Variants in CYP7B1 observed in about 807,000 individuals in gnomAD.
The protein encoded by CYP7B1 is cytochrome P450 family 7 subfamily B member 1, also known as cytochrome P450 7B1.
A neutral mutation model predicts 42.7 loss-of-function variants in CYP7B1; 29 were observed. The observed-to-expected ratio is 0.68, with a 90% CI of 0.51 to 0.93. The LOEUF (loss-of-function observed/expected upper bound fraction) is 0.93, where lower values mean the gene tolerates loss of function less well. Ranked by LOEUF, CYP7B1 falls within the 40% of genes least tolerant of loss-of-function variation. The pLI is 0.00. For synonymous variants in CYP7B1, 235 were observed against 218.2 expected, an observed-to-expected ratio of 1.08 and a Z score of -0.68; for missense variants, 655 against 600.5, an observed-to-expected ratio of 1.09 and a Z score of -0.95.
chr8:64,703,933 A>G (rs1806954984), intron 1 of CYP7B1: 1 of 152,036 alleles, frequency 6.6e-6, no homozygotes, highest in African/African-American at 2.4e-5. Flanking sequence ...TATTGTGGGT[A>G]ATAAATGATG....
At chr8:64,721,008 C>G (rs1252214172) in intron 1 of CYP7B1, among the ~76,000 whole-genome samples, 1 of 150,112 alleles carries the variant, frequency 6.7e-6, no homozygotes, top group Non-Finnish European at 1.5e-5. Context: ...TTATTTAAAA[C>G]CAAAACAAAA....
At chr8:64,769,776 G>C (rs148088529) in intron 1 of CYP7B1, among the ~76,000 whole-genome samples, 15 of 151,920 alleles carry the variant, frequency 9.9e-5, no homozygotes, top group Non-Finnish European at 1.9e-4. Context: ...CCCTGTCTCC[G>C]TGCCTTAACC....
At chr8:64,784,160 C>T (rs1239208258) in intron 1 of CYP7B1, among the ~76,000 whole-genome samples, 3 of 152,098 alleles carry the variant, frequency 2.0e-5, no homozygotes, top group African/African-American at 7.2e-5. Flanking sequence ...CTCAAAGGTA[C>T]TTGCTGGCAG....
rs193199046 is a variant in CYP7B1, at chr8:64,773,544, A to G, written c.122+24922T>C. ...ATCCCATAGACACTGTACATTCAAA[A>G]TGTTCAACAAAGTAGGCTTATTCTG... On this transcript the variant is annotated intron_variant, in intron 1 of 5. Transcript: ENST00000310193. 5.3e-5 allele frequency among the ~76,000 whole-genome samples: 8 copies of G among 152,350 alleles called. No individual in the cohort carries two copies. In the East Asian group the frequency reaches 1.3e-3, roughly 26 times the overall value.
chr8:64,637,061 A>T (rs2129630876), intron 1 of CYP7B1, among the ~76,000 whole-genome samples: 1 of 152,330 alleles, frequency 6.6e-6, no homozygotes, highest in Admixed American at 6.5e-5. Context: ...ATTACAGAGG[A>T]CTAGCCCAGA....
intron 4 of CYP7B1, among the ~76,000 whole-genome samples, chr8:64,608,634 G>A (rs1805319976): frequency 6.6e-6 from 1 of 151,804 alleles, no homozygotes; most frequent in Admixed American, 6.6e-5. Context: ...GTATGGAGGT[G>A]GTGGTGGTTA....
intron 1 of CYP7B1, among the ~76,000 whole-genome samples, chr8:64,729,680 G>A (rs769201573): frequency 2.0e-5 from 3 of 151,978 alleles, no homozygotes; most frequent in Admixed American, 6.6e-5. Flanking sequence ...TGAATTTCTC[G>A]TCATGAAACT....
intron 1 of CYP7B1, among the ~76,000 whole-genome samples, chr8:64,657,054 T>G (rs1054168647): frequency 2.6e-5 from 4 of 152,042 alleles, no homozygotes; most frequent in African/African-American, 9.7e-5. Context: ...TGATTGGCTT[T>G]TATTAAAAAA....
intron 1 of CYP7B1, among the ~76,000 whole-genome samples, chr8:64,661,369 C>G (rs1305421493): frequency 6.6e-6 from 1 of 152,160 alleles, no homozygotes; most frequent in Non-Finnish European, 1.5e-5. Flanking sequence ...CCAACTCAGT[C>G]TTCCTGAAAG....
At chr8:64,755,175 G>A (rs929158426) in intron 1 of CYP7B1, among the ~76,000 whole-genome samples, 1 of 152,198 alleles carries the variant, frequency 6.6e-6, no homozygotes, top group Non-Finnish European at 1.5e-5. Flanking sequence ...ATATGTGTGT[G>A]TGCGTGCATG....
intron 4 of CYP7B1, among the ~76,000 whole-genome samples, chr8:64,609,076 A>C (rs911673478): frequency 6.6e-6 from 1 of 152,204 alleles, no homozygotes; most frequent in African/African-American, 2.4e-5. Context: ...CAATCTAGGA[A>C]GTTCAAAGTT....
intron 1 of CYP7B1, among the ~76,000 whole-genome samples, chr8:64,779,796 G>A (rs533957965): frequency 6.6e-6 from 1 of 152,242 alleles, no homozygotes; most frequent in African/African-American, 2.4e-5. Flanking sequence ...CCAAATGTGT[G>A]TAATTCTATG....
intron 1 of CYP7B1, among the ~76,000 whole-genome samples, chr8:64,676,572 C>G (rs1235910325): frequency 6.6e-6 from 1 of 152,022 alleles, no homozygotes; most frequent in East Asian, 1.9e-4. Flanking sequence ...CACTTGTATA[C>G]TCTAATTAAA....
At chr8:64,699,863 C>T (rs138837026) in intron 1 of CYP7B1, among the ~76,000 whole-genome samples, 1 of 152,206 alleles carries the variant, frequency 6.6e-6, no homozygotes, top group Admixed American at 6.5e-5. Flanking sequence ...CACAGAACCA[C>T]TCCATAATCA....
intron 1 of CYP7B1, among the ~76,000 whole-genome samples, chr8:64,684,081 G>A (rs1393803429): frequency 6.6e-6 from 1 of 152,168 alleles, no homozygotes; most frequent in African/African-American, 2.4e-5. Context: ...GGTATGATCT[G>A]TCTCGTCCAT....
intron 1 of CYP7B1, among the ~76,000 whole-genome samples, chr8:64,771,282 G>A (rs547164227): frequency 2.0e-5 from 3 of 151,252 alleles, no homozygotes; most frequent in African/African-American, 2.4e-5. Flanking sequence ...GGATGGTCTC[G>A]ATCTCCTGAC....
rs1188405276 is a variant in CYP7B1, at chr8:64,721,815, T to C, written c.122+76651A>G. Reference sequence around the variant, plus strand: ...GCAAGATACACAGCCTATATAATTATGACACATATGATATAGATAACATTA... The same window carrying C: ...GCAAGATACACAGCCTATATAATTACGACACATATGATATAGATAACATTA... On this transcript the variant is annotated intron_variant, in intron 1 of 5. Coordinates refer to ENST00000310193, the MANE Select transcript of CYP7B1 (RefSeq NM_004820.5). Among the ~76,000 whole-genome samples the C allele has an allele frequency of 2.6e-5, 4 of 152,302 alleles. No homozygotes were observed. In the East Asian group the frequency reaches 7.7e-4, roughly 29 times the overall value.
chr8:64,694,171 T>C (rs757579769), intron 1 of CYP7B1, among the ~76,000 whole-genome samples: 5 of 152,214 alleles, frequency 3.3e-5, no homozygotes, highest in African/African-American at 4.8e-5. Context: ...AATTGCTTCA[T>C]TCCTGCCCCA....
intron 5 of CYP7B1, among the ~76,000 whole-genome samples, chr8:64,601,431 T>C (rs1373815688): frequency 2.6e-5 from 4 of 152,222 alleles, no homozygotes; most frequent in Non-Finnish European, 5.9e-5. Flanking sequence ...TCAGTACCTC[T>C]GGACCTAGGA....
Sources: allele counts gnomAD v4.1 joint callset (sites outside exome capture counted in the v4.1 genomes callset), GRCh38; gene constraint gnomAD v4.1.1; transcripts MANE v1.5; gene names NCBI Gene and HGNC (gene_info 2026-07-23, HGNC 2026-07-21).